Variants in THSD7A observed in about 807,000 individuals in gnomAD.
The protein encoded by THSD7A is thrombospondin type 1 domain containing 7A.
Under a neutral mutation model 231.3 loss-of-function variants are expected in THSD7A, and 96 were observed. The ratio of observed to expected loss-of-function variants is 0.41; its 90% CI spans 0.35 to 0.49. The LOEUF is 0.49. Among genes scored for constraint, THSD7A ranks in the 20% least tolerant of loss-of-function variants. The pLI, the probability that THSD7A is intolerant of heterozygous loss-of-function variation, is 0.05. For synonymous variants in THSD7A, 940 were observed against 743.3 expected (o/e 1.26, Z -4.30); for missense variants, 2,290 against 2,070.2 (o/e 1.11, Z -2.06).
chr7:11,478,012 G>C (rs1217743419), intron 7 of THSD7A, among the ~76,000 whole-genome samples: 1 of 152,094 alleles, frequency 6.6e-6, no homozygotes, highest in Non-Finnish European at 1.5e-5. Context: ...GTACCACAGA[G>C]TGTACTAGTT....
intron 1 of THSD7A, among the ~76,000 whole-genome samples, chr7:11,829,915 C>CACT (rs979781057): frequency 2.6e-5 from 4 of 151,976 alleles, no homozygotes; most frequent in Admixed American, 2.0e-4. Flanking sequence ...ATCCTCATCA[C>CACT]ACTAGCTTAC....
intron 1 of THSD7A, among the ~76,000 whole-genome samples, chr7:11,731,197 T>A (rs1781720677): frequency 6.6e-6 from 1 of 151,632 alleles, no homozygotes. Context: ...TATAGTGTCA[T>A]ATTTTACTGT....
intron 2 of THSD7A, among the ~76,000 whole-genome samples, chr7:11,633,978 C>T (rs965936903): frequency 6.6e-6 from 1 of 152,066 alleles, no homozygotes; most frequent in South Asian, 2.1e-4. Flanking sequence ...TGATTTGTGG[C>T]CCTGTGCTTT....
intron 1 of THSD7A, among the ~76,000 whole-genome samples, chr7:11,823,647 G>T (rs1284297608): frequency 6.6e-6 from 1 of 151,900 alleles, no homozygotes; most frequent in East Asian, 1.9e-4. Flanking sequence ...GTGTTTTGTA[G>T]TTTTCCTTGA....
chr7:11,429,204 T>G, intron 13 of THSD7A, 79 bp from the exon 14 acceptor site: 1 of 1,408,998 alleles, frequency 7.1e-7, no homozygotes, highest in South Asian at 1.5e-5. Context: ...CTAGGTCATT[T>G]AGAAGGTCCA....
intron 1 of THSD7A, among the ~76,000 whole-genome samples, chr7:11,655,088 C>G (rs1397001524): frequency 6.6e-6 from 1 of 151,842 alleles, no homozygotes; most frequent in Admixed American, 6.6e-5. Flanking sequence ...GGTGTCCTGA[C>G]TTCTCAGCTT....
intron 1 of THSD7A, among the ~76,000 whole-genome samples, chr7:11,789,994 A>G (rs1387922344): frequency 6.6e-6 from 1 of 152,036 alleles, no homozygotes; most frequent in Admixed American, 6.6e-5. Context: ...CCAAAAAGTT[A>G]TAAAAATTCA....
intron 1 of THSD7A, among the ~76,000 whole-genome samples, chr7:11,768,941 G>A (rs1783117545): frequency 1.2e-5 from 1 of 84,104 alleles, no homozygotes; most frequent in Admixed American, 1.1e-4. Context: ...TAATGGTTTT[G>A]TTTTGTTTTG....
At chr7:11,641,341 G>T (rs1782073514) in intron 1 of THSD7A, among the ~76,000 whole-genome samples, 1 of 152,186 alleles carries the variant, frequency 6.6e-6, no homozygotes, top group South Asian at 2.1e-4. Context: ...GTTTAGAAAG[G>T]AGAGAAGTTA....
At chr7:11,540,944 C>A (rs1000083629) in intron 6 of THSD7A, among the ~76,000 whole-genome samples, 1 of 151,908 alleles carries the variant, frequency 6.6e-6, no homozygotes, top group Non-Finnish European at 1.5e-5. Flanking sequence ...GGATTGGGAG[C>A]CTGGAAATTA....
intron 1 of THSD7A, among the ~76,000 whole-genome samples, chr7:11,781,324 G>A (rs1361616062): frequency 6.6e-6 from 1 of 151,250 alleles, no homozygotes; most frequent in Non-Finnish European, 1.5e-5. Flanking sequence ...GCATGGTGGC[G>A]TGTGCCCATA....
intron 1 of THSD7A, among the ~76,000 whole-genome samples, chr7:11,738,120 C>T (rs1534234): frequency 4.0e-5 from 6 of 151,834 alleles, no homozygotes; most frequent in Non-Finnish European, 8.8e-5. Context: ...TCTATGTTCA[C>T]TTAATCATTA....
chr7:11,817,740 A>G (rs1032902051), intron 1 of THSD7A, among the ~76,000 whole-genome samples: 9 of 152,178 alleles, frequency 5.9e-5, no homozygotes, highest in African/African-American at 2.2e-4. Context: ...CTGTAGAGGT[A>G]GTTACTAATA....
At chr7:11,735,427 CTT>C (rs1403244652) in intron 1 of THSD7A, among the ~76,000 whole-genome samples, 1 of 151,868 alleles carries the variant, frequency 6.6e-6, no homozygotes, top group Admixed American at 6.6e-5. Flanking sequence ...CTTAAACAAA[CTT>C]TGCTTCATGC....
At chr7:11,418,003 G>A (rs909776280) in intron 16 of THSD7A, among the ~76,000 whole-genome samples, 2 of 152,280 alleles carry the variant, frequency 1.3e-5, no homozygotes, top group Non-Finnish European at 2.9e-5. Context: ...GGCATATAAT[G>A]CATTTATTCT....
intron 6 of THSD7A, among the ~76,000 whole-genome samples, chr7:11,516,094 T>C (rs1189781421): frequency 1.3e-5 from 2 of 152,008 alleles, no homozygotes; most frequent in African/African-American, 4.8e-5. Flanking sequence ...TTCTAGGAGC[T>C]ATTATTTGTG....
At chr7:11,465,253 T>C (rs117547791) in intron 9 of THSD7A, among the ~76,000 whole-genome samples, 1,938 of 152,146 alleles carry the variant, frequency 0.013, 29 homozygotes, top group Non-Finnish European at 0.018. Flanking sequence ...TCCTTTATAG[T>C]GGTAAGCGCA....
chr7:11,380,646 C>A (rs1782475202), intron 24 of THSD7A, among the ~76,000 whole-genome samples: 1 of 152,140 alleles, frequency 6.6e-6, no homozygotes, highest in Non-Finnish European at 1.5e-5. Flanking sequence ...AACACACACA[C>A]ACAAAGCAGT....
intron 19 of THSD7A, among the ~76,000 whole-genome samples, chr7:11,407,636 C>G (rs1405870794): frequency 6.6e-6 from 1 of 151,992 alleles, no homozygotes; most frequent in African/African-American, 2.4e-5. Flanking sequence ...AAGAAGGGGC[C>G]CATTGAATCT....
Sources: allele counts gnomAD v4.1 joint callset (sites outside exome capture counted in the v4.1 genomes callset), GRCh38; gene constraint gnomAD v4.1.1; transcripts MANE v1.5; gene names NCBI Gene and HGNC (gene_info 2026-07-23, HGNC 2026-07-21).